The following PDE6C variants were observed in gnomAD, a reference collection of about 807,000 sequenced individuals.
The protein encoded by PDE6C is phosphodiesterase 6C, also known as cone cGMP-specific 3',5'-cyclic phosphodiesterase subunit alpha'.
PDE6C carries 75 observed loss-of-function variants against 113.1 expected under a neutral mutation model. The ratio of observed to expected loss-of-function variants is 0.66; its 90% CI spans 0.55 to 0.80. The LOEUF is 0.80. Ranked by LOEUF, PDE6C falls within the 30% of genes least tolerant of loss-of-function variation. The pLI is 0.00. For missense variants in PDE6C, 912 were observed against 1,038.6 expected (o/e 0.88, Z 1.67); for synonymous variants, 375 against 363.7 (o/e 1.03, Z -0.35).
chr10:93,665,434 C>G lies in PDE6C; in HGVS notation c.*16C>G, dbSNP rs770567344. ...AATGTTGTAATATTATCTAACTGGT[C>G]TAAACTTCAAATATCATTTTACCTT... On this transcript the variant is annotated 3_prime_UTR_variant, in exon 22 of 22. Coordinates refer to ENST00000371447, the MANE Select transcript of PDE6C (RefSeq NM_006204.4). 6.7e-7 allele frequency: 1 copy of G among 1,491,652 alleles called. No individual in the cohort carries two copies. Among genetic ancestry groups the G allele is most frequent in the Non-Finnish European group, 9.4e-7 (1 of 1,068,580 alleles). 92.4% of individuals were successfully genotyped at this position (1,491,652 alleles called of 1,614,324 possible).
At chr10:93,629,575 C>A (rs1188156275) in intron 8 of PDE6C, among the ~76,000 whole-genome samples, 1 of 152,194 alleles carries the variant, frequency 6.6e-6, no homozygotes, top group Admixed American at 6.5e-5. Flanking sequence ...GGTCCCCAAC[C>A]TTTTTGGCAC....
At chr10:93,616,502 A>G (rs2058420236) in intron 1 of PDE6C, among the ~76,000 whole-genome samples, 1 of 152,236 alleles carries the variant, frequency 6.6e-6, no homozygotes, top group Admixed American at 6.5e-5. Context: ...TTAAATGTAT[A>G]TAAAGGACCT....
At chr10:93,647,723 C>A (rs541941831) in intron 15 of PDE6C, among the ~76,000 whole-genome samples, 20 of 152,300 alleles carry the variant, frequency 1.3e-4, no homozygotes, top group African/African-American at 4.6e-4. Flanking sequence ...ACTGACCAGA[C>A]TCTCTGGAGT....
intron 18 of PDE6C, 64 bp from the exon 19 acceptor site, chr10:93,661,995 C>T (rs985427807): frequency 1.6e-4 from 154 of 956,366 alleles, no homozygotes; most frequent in Middle Eastern, 4.2e-4. Flanking sequence ...GTCACTTGTA[C>T]TAATAAAATG....
intron 15 of PDE6C, among the ~76,000 whole-genome samples, chr10:93,653,048 G>A (rs1050486760): frequency 6.6e-6 from 1 of 152,046 alleles, no homozygotes; most frequent in Admixed American, 6.6e-5. Context: ...TTATTAATTT[G>A]CCAAGTATGT....
At chr10:93,617,397 A>G (rs1211688135) in intron 1 of PDE6C, among the ~76,000 whole-genome samples, 1 of 152,236 alleles carries the variant, frequency 6.6e-6, no homozygotes, top group African/African-American at 2.4e-5. Context: ...AAAACAGTCC[A>G]TTGAACTTAA....
intron 11 of PDE6C, among the ~76,000 whole-genome samples, chr10:93,639,431 C>T (rs1227968803): frequency 2.0e-5 from 3 of 152,238 alleles, no homozygotes; most frequent in East Asian, 3.9e-4. Context: ...TCACATAATC[C>T]GAAATCCTAA....
intron 14 of PDE6C, among the ~76,000 whole-genome samples, chr10:93,644,780 G>GTATATATATA (rs138885149): frequency 2.1e-5 from 3 of 142,974 alleles, no homozygotes; most frequent in Non-Finnish European, 4.5e-5. Flanking sequence ...TGTGGTGCGT[G>GTATATATATA]TATATATATA....
intron 18 of PDE6C, among the ~76,000 whole-genome samples, chr10:93,661,188 A>G (rs2058664167): frequency 6.6e-6 from 1 of 152,110 alleles, no homozygotes; most frequent in South Asian, 2.1e-4. Context: ...TCCTGGCAAA[A>G]TTTACATGGC....
chr10:93,618,740 G>T (rs1022379608), intron 1 of PDE6C, among the ~76,000 whole-genome samples: 4 of 152,170 alleles, frequency 2.6e-5, no homozygotes, highest in African/African-American at 9.7e-5. Flanking sequence ...GCATTAATCT[G>T]CAGGTGATTC....
Position 93,614,118 on chromosome 10 carries a change from A to G in PDE6C, c.480+913A>G, listed in dbSNP as rs1386525883. ...AGCTCCTTCTCTACACATGTGGTCC[A>G]TTATTACAGTTTACCATTAACAAAA... On this transcript the variant is annotated intron_variant, in intron 1 of 21. Transcript: ENST00000371447. Among the ~76,000 whole-genome samples the G allele has an allele frequency of 3.9e-5, 6 of 152,236 alleles. No individual in the cohort carries two copies. In the East Asian group the frequency reaches 1.2e-3, roughly 29 times the overall value.
intron 18 of PDE6C, among the ~76,000 whole-genome samples, chr10:93,659,548 C>G (rs1004574372): frequency 8.5e-5 from 13 of 152,158 alleles, no homozygotes; most frequent in African/African-American, 2.9e-4. Context: ...GCTGGGGAGG[C>G]CTCACAATCA....
At chr10:93,654,621 T>C (rs2058624132) in intron 15 of PDE6C, among the ~76,000 whole-genome samples, 1 of 152,164 alleles carries the variant, frequency 6.6e-6, no homozygotes, top group Non-Finnish European at 1.5e-5. Flanking sequence ...CAGTGGAGTT[T>C]TTCTGTATTT....
At chr10:93,621,668 T>A (rs1175647259) in intron 3 of PDE6C, among the ~76,000 whole-genome samples, 2 of 152,168 alleles carry the variant, frequency 1.3e-5, no homozygotes, top group African/African-American at 4.8e-5. Flanking sequence ...GCACTTCCCC[T>A]TTGGAGCCAA....
chr10:93,633,694 C>T (rs2058514168), intron 8 of PDE6C, among the ~76,000 whole-genome samples: 1 of 152,060 alleles, frequency 6.6e-6, no homozygotes, highest in Non-Finnish European at 1.5e-5. Context: ...ACTCAACACA[C>T]CACAGAATGA....
At chr10:93,621,277 T>C (rs898150505) in intron 3 of PDE6C, among the ~76,000 whole-genome samples, 3 of 152,188 alleles carry the variant, frequency 2.0e-5, no homozygotes, top group Non-Finnish European at 4.4e-5. Flanking sequence ...TGGTACCTAC[T>C]TCAGATGGTT....
At chr10:93,632,697 T>G (rs2058507447) in intron 8 of PDE6C, among the ~76,000 whole-genome samples, 1 of 152,232 alleles carries the variant, frequency 6.6e-6, no homozygotes, top group Non-Finnish European at 1.5e-5. Flanking sequence ...CGTATGATGG[T>G]GTAAGTACAT....
At position 93,635,651 on chromosome 10, in the gene PDE6C, A is replaced by C. The variant is rs1353183335; in HGVS notation, c.1413+11A>C. 1 of 1,613,432 alleles carries C rather than the reference A, an allele frequency of 6.2e-7. No homozygotes were observed. Among genetic ancestry groups the C allele is most frequent in the East Asian group, 2.2e-5 (1 of 44,836 alleles). Reference sequence around the variant, plus strand: ...ATTAAGTCCATTTTGGTAAGTGGGAAATTCAGTCCTGTGGACATAAGATGT... The same window carrying C: ...ATTAAGTCCATTTTGGTAAGTGGGACATTCAGTCCTGTGGACATAAGATGT... On this transcript the variant is annotated intron_variant, in intron 10 of 21. Coordinates refer to ENST00000371447, the MANE Select transcript of PDE6C (RefSeq NM_006204.4).
At chr10:93,624,001 TA>T (rs888969043) in intron 4 of PDE6C, among the ~76,000 whole-genome samples, 4 of 151,972 alleles carry the variant, frequency 2.6e-5, no homozygotes, top group East Asian at 1.9e-4. Context: ...AGATTTTATA[TA>T]TTTTTTTATA....
Sources: allele counts gnomAD v4.1 joint callset (sites outside exome capture counted in the v4.1 genomes callset), GRCh38; gene constraint gnomAD v4.1.1; transcripts MANE v1.5; gene names NCBI Gene and HGNC (gene_info 2026-07-23, HGNC 2026-07-21).